Variants in SORBS2 observed in about 807,000 individuals in gnomAD.
The protein encoded by SORBS2 is sorbin and SH3 domain containing 2.
Under a neutral mutation model 97.7 loss-of-function variants are expected in SORBS2, and 46 were observed. That is an observed-to-expected ratio of 0.47 (90% CI 0.37 to 0.60). The LOEUF (loss-of-function observed/expected upper bound fraction) is 0.60. SORBS2 is among the 20% of genes least tolerant of loss of function. The pLI is 0.00. For missense variants in SORBS2, 1,316 were observed against 1,282.3 expected (o/e 1.03, Z -0.40); for synonymous variants, 476 against 473.4 (o/e 1.01, Z -0.07).
intron 1 of SORBS2, among the ~76,000 whole-genome samples, chr4:185,886,741 G>A (rs1278230950): frequency 6.6e-6 from 1 of 152,162 alleles, no homozygotes. Flanking sequence ...AGCACCATGA[G>A]AGAACCGGGA....
intron 1 of SORBS2, among the ~76,000 whole-genome samples, chr4:185,895,560 C>CA (rs1180592941): frequency 2.0e-5 from 3 of 152,172 alleles, no homozygotes; most frequent in African/African-American, 7.2e-5. Flanking sequence ...GCATCACCCC[C>CA]GCCAGGATCC....
At chr4:185,650,113 A>G (rs1017460902) in intron 2 of SORBS2, among the ~76,000 whole-genome samples, 2 of 152,208 alleles carry the variant, frequency 1.3e-5, no homozygotes, top group African/African-American at 4.8e-5. Flanking sequence ...CAAACAAAAT[A>G]TTGCACACAG....
At chr4:185,658,967 A>C (rs2097460123), upstream of SORBS2, among the ~76,000 whole-genome samples, 1 of 152,030 alleles carries the variant, frequency 6.6e-6, no homozygotes, top group African/African-American at 2.4e-5. Flanking sequence ...CGGCCTCCCA[A>C]AGTGCTGGGA....
chr4:185,588,599 TCCTCCTC>T, intron 14 of SORBS2, among the ~76,000 whole-genome samples: 1 of 150,880 alleles, frequency 6.6e-6, no homozygotes, highest in African/African-American at 2.4e-5. Flanking sequence ...TCCTCCCTCC[TCCTCCTC>T]CCTCCTCCTC....
chr4:185,859,414 C>T (rs916247409), intron 1 of SORBS2, among the ~76,000 whole-genome samples: 4 of 152,176 alleles, frequency 2.6e-5, no homozygotes, highest in African/African-American at 7.2e-5. Flanking sequence ...TCACACCCTG[C>T]GTTTCCCACA....
chr4:185,816,690 C>A (rs1320811349), intron 1 of SORBS2, among the ~76,000 whole-genome samples: 1 of 152,124 alleles, frequency 6.6e-6, no homozygotes, highest in African/African-American at 2.4e-5. Flanking sequence ...TGATCAGTAT[C>A]CAGAATGACT....
intron 2 of SORBS2, among the ~76,000 whole-genome samples, chr4:185,698,474 C>T (rs2098211580): frequency 6.6e-6 from 1 of 150,758 alleles, no homozygotes; most frequent in African/African-American, 2.4e-5. Flanking sequence ...GCCTGGGTGA[C>T]AGAGCAAGAC....
At chr4:185,590,353 A>AT (rs549847189) in intron 13 of SORBS2, among the ~76,000 whole-genome samples, 9 of 151,890 alleles carry the variant, frequency 5.9e-5, no homozygotes, top group East Asian at 1.9e-4. Context: ...AAGGAAAATT[A>AT]TTTTTTTTAC....
intron 1 of SORBS2, among the ~76,000 whole-genome samples, chr4:185,829,458 C>T (rs1234932043): frequency 6.6e-6 from 1 of 152,008 alleles, no homozygotes; most frequent in African/African-American, 2.4e-5. Context: ...TGATTACATA[C>T]ACACAAAGTG....
chr4:185,813,640 C>A (rs1017183895), intron 1 of SORBS2, among the ~76,000 whole-genome samples: 11 of 152,242 alleles, frequency 7.2e-5, no homozygotes, highest in Admixed American at 3.3e-4. Flanking sequence ...CCTTGCCCTG[C>A]AGATGCTGCT....
intron 2 of SORBS2, among the ~76,000 whole-genome samples, chr4:185,746,884 GC>G: frequency 6.6e-6 from 1 of 152,296 alleles, no homozygotes; most frequent in African/African-American, 2.4e-5. Context: ...CGAAGGACTG[GC>G]CCCCTAGGAC....
chr4:185,624,428 C>T, exon 7 of SORBS2: 1 of 1,614,102 alleles, frequency 6.2e-7, no homozygotes, highest in Non-Finnish European at 8.5e-7. Context: ...ATCTAACTCA[C>T]TGGAGGGGTT....
chr4:185,615,003 T>C, intron 10 of SORBS2, 42 bp downstream of exon 22: 1 of 1,613,878 alleles, frequency 6.2e-7, no homozygotes, highest in Non-Finnish European at 8.5e-7. Context: ...GCGGTGACCT[T>C]TGAAACCACC....
chr4:185,596,082 T>C (rs1031270071), intron 12 of SORBS2, among the ~76,000 whole-genome samples: 6 of 152,230 alleles, frequency 3.9e-5, no homozygotes, highest in Admixed American at 3.9e-4. Context: ...TATTATTTAT[T>C]CTTGTCTTAA....
intron 12 of SORBS2, among the ~76,000 whole-genome samples, chr4:185,601,557 C>T (rs571156739): frequency 1.3e-5 from 2 of 152,220 alleles, no homozygotes; most frequent in Non-Finnish European, 2.9e-5. Flanking sequence ...ATACCAGTCC[C>T]GGACACCCTT....
At chr4:185,658,957 C>T (rs529113117), upstream of SORBS2, among the ~76,000 whole-genome samples, 29 of 152,176 alleles carry the variant, frequency 1.9e-4, no homozygotes, top group East Asian at 3.9e-3. Context: ...CCGCCCGCCT[C>T]GGCCTCCCAA....
intron 3 of SORBS2, 91 bp downstream of exon 12, chr4:185,649,376 T>C: frequency 9.6e-7 from 1 of 1,039,204 alleles, no homozygotes; most frequent in Non-Finnish European, 1.4e-6. Context: ...GCTCTCTCTG[T>C]GGCAGGTGCA....
chr4:185,606,761 G>T lies in SORBS2; in HGVS notation c.2796+5019C>A. 1.0e-6 allele frequency: 1 copy of T among 985,278 alleles called. No individual in the cohort carries two copies. Among genetic ancestry groups the T allele is most frequent in the Non-Finnish European group, 1.2e-6 (1 of 829,920 alleles). The allele number at this position is 985,278 out of a possible 1,614,324, so 61.0% of individuals were successfully genotyped here. A position where few individuals can be genotyped will look rare whatever the true frequency, so the allele number is the denominator to read the frequency against. On this transcript the variant is annotated intron_variant, in intron 12 of 14. Coordinates refer to ENST00000418609, the Ensembl canonical transcript of SORBS2. The surrounding 1 kb of genome is among the most constrained non-coding windows in gnomAD (Gnocchi z 4.3). ...CACCACCAGGCGTCTCCTTCCTGAG[G>T]TTCTGGCGGCCCTCTCTGGATGCCT...
intron 1 of SORBS2, among the ~76,000 whole-genome samples, chr4:185,900,752 A>C (rs2099247283): frequency 6.6e-6 from 1 of 152,124 alleles, no homozygotes; most frequent in African/African-American, 2.4e-5. Flanking sequence ...TGTACGTATG[A>C]GTGGGAGAGA....
Sources: allele counts gnomAD v4.1 joint callset (sites outside exome capture counted in the v4.1 genomes callset), GRCh38; gene constraint gnomAD v4.1.1; non-coding constraint Gnocchi (gnomAD v3.1); transcripts MANE v1.5; gene names NCBI Gene and HGNC (gene_info 2026-07-23, HGNC 2026-07-21).